The following DNAH10 variants were observed in gnomAD, a reference collection of about 807,000 sequenced individuals.
The protein encoded by DNAH10 is axonemal beta dynein heavy chain 10.
DNAH10 carries 348 observed loss-of-function variants against 506.6 expected under a neutral mutation model. The ratio of observed to expected loss-of-function variants is 0.69; its 90% confidence interval spans 0.63 to 0.75. The LOEUF (loss-of-function observed/expected upper bound fraction) is 0.75. Among genes scored for constraint, DNAH10 ranks in the 30% least tolerant of loss-of-function variants. The pLI is 0.00. For synonymous variants in DNAH10, 2,059 were observed against 2,198.6 expected (o/e 0.94, Z 1.78); for missense variants, 5,179 against 5,787.1 (o/e 0.89, Z 3.41).
chr12:123,900,425 G>A (rs948546807), intron 56 of DNAH10, among the ~76,000 whole-genome samples: 3 of 152,176 alleles, frequency 2.0e-5, no homozygotes, highest in African/African-American at 7.2e-5. Context: ...CTCAACCCCT[G>A]CCTCGAAGAA....
rs747887360 is a variant in DNAH10, at chr12:123,898,833, A to G, written c.9640+19A>G. ...GCTGTAGGTGAGTGAGGGCGGGGCC[A>G]GGGCAGCCCATCCCCAACACCCAAT... On this transcript the variant is annotated intron_variant, in intron 56 of 78. Coordinates refer to ENST00000673944, the MANE Select transcript of DNAH10 (RefSeq NM_001372106.1). 2.1e-5 allele frequency: 34 copies of G among 1,586,438 alleles called. No homozygotes were observed. The highest frequency in any genetic ancestry group is 2.0e-4 in the East Asian group (9 of 44,392).
chr12:123,934,799 G>A (rs1955410334), intron 78 of DNAH10, 33 bp downstream of exon 78: 1 of 1,611,588 alleles, frequency 6.2e-7, no homozygotes, highest in South Asian at 1.1e-5. Context: ...TCTGACACCA[G>A]GGCCCTTCCT....
At position 123,879,315 on chromosome 12, in the gene DNAH10, A is replaced by G; in HGVS notation, c.8424A>G (p.Arg2808=). Residue 2808 remains arginine, a synonymous_variant, in exon 49 of 79, where the codon AGA becomes AGG. Coordinates refer to ENST00000673944, the MANE Select transcript of DNAH10 (RefSeq NM_001372106.1). ...MVRVWRNECL[R]VFHDRLISET... Reference sequence around the variant, plus strand: ...GAGTCTGGAGGAATGAGTGTCTGAGAGTCTTCCACGACCGGCTGATCAGTG... The same window carrying G: ...GAGTCTGGAGGAATGAGTGTCTGAGGGTCTTCCACGACCGGCTGATCAGTG... 1 of 1,579,650 alleles carries G rather than the reference A, an allele frequency of 6.3e-7. No homozygotes were observed. The highest frequency in any genetic ancestry group is 8.6e-7 in the Non-Finnish European group (1 of 1,162,244).
In DNAH10 at chr12:123,909,049, G is replaced by T. The variant is rs1378437311; in HGVS notation, c.9816-212G>T. Among the ~76,000 whole-genome samples, 1 of 152,208 alleles carries T rather than the reference G, an allele frequency of 6.6e-6. No homozygotes were observed. Among genetic ancestry groups the T allele is most frequent in the African/African-American group, 2.4e-5 (1 of 41,454 alleles). ...GCCCCCGCACCATTCCAGGCGCCTG[G>T]TCTGGAACCTGAGAGGGGGACCCGG... On this transcript the variant is annotated intron_variant, in intron 57 of 78. Coordinates refer to ENST00000673944, the MANE Select transcript of DNAH10 (RefSeq NM_001372106.1). The surrounding 1 kb of genome is among the most constrained non-coding windows in gnomAD (Gnocchi z 5.4).
At chr12:123,871,156 G>A (rs900782210) in intron 44 of DNAH10, among the ~76,000 whole-genome samples, 1 of 152,206 alleles carries the variant, frequency 6.6e-6, no homozygotes, top group Non-Finnish European at 1.5e-5. Context: ...TCCCGCAGGG[G>A]TCTGAGTGAT....
intron 48 of DNAH10, 33 bp from the exon 49 acceptor site, chr12:123,879,231 T>C (rs1196817030): frequency 1.3e-6 from 2 of 1,548,316 alleles, no homozygotes; most frequent in Admixed American, 3.9e-5. Flanking sequence ...TCAGGTGACT[T>C]CCTGGCTGAT....
Position 123,881,804 on chromosome 12 carries a change from C to A in DNAH10, c.8814C>A (p.Ala2938=), listed in dbSNP as rs1566040755. 4 of 1,512,372 alleles carry A rather than the reference C, an allele frequency of 2.6e-6. No homozygotes were observed. The highest frequency in any genetic ancestry group is 2.7e-6 in the Non-Finnish European group (3 of 1,130,574). 93.7% of individuals were successfully genotyped at this position (1,512,372 alleles called of 1,614,324 possible). ...QSLSRLAAFT[A]SCEVFEILLS... ...TTTCGAGGCTGGCTGCCTTCACAGC[C>A]AGCTGTGAGGTCAGTCCACGTACCC... Residue 2938 remains alanine, a synonymous_variant, in exon 51 of 79, where the codon GCC becomes GCA. Transcript: ENST00000673944.
intron 76 of DNAH10, chr12:123,932,480 ATT>A (rs11372935): frequency 3.9e-3 from 601 of 153,058 alleles, no homozygotes; most frequent in South Asian, 6.5e-3. Flanking sequence ...GGTGGTTACC[ATT>A]TTTTTTTTTT....
chr12:123,863,004 A>G (rs977171448), intron 39 of DNAH10, among the ~76,000 whole-genome samples: 2 of 152,218 alleles, frequency 1.3e-5, no homozygotes, highest in African/African-American at 4.8e-5. Context: ...GGAGTTCTTC[A>G]TACTGTTTTA....
At chr12:123,793,492 C>T (rs1958162166) in intron 11 of DNAH10, among the ~76,000 whole-genome samples, 1 of 152,094 alleles carries the variant, frequency 6.6e-6, no homozygotes, top group Admixed American at 6.6e-5. Context: ...GCGCCCACCA[C>T]CATGCCCGGC....
intron 61 of DNAH10, 80 bp downstream of exon 61, chr12:123,914,630 G>A: frequency 1.3e-6 from 2 of 1,481,492 alleles, no homozygotes; most frequent in East Asian, 2.4e-5. Flanking sequence ...CTGGGGGGAG[G>A]CAATGGCCTG....
rs1955068870 is a variant in DNAH10 at position 123,928,869 on chromosome 12, CA to C, written c.12306+283del. On this transcript the variant is annotated intron_variant, in intron 70 of 78. Coordinates refer to ENST00000673944, the MANE Select transcript of DNAH10 (RefSeq NM_001372106.1). This position sits in a 1 kb window ranked among gnomAD's most constrained non-coding sequence, Gnocchi z 4.9. The stretch of plus-strand genomic sequence containing the variant: ...ATAAACTTCACGGCCCCCCCCCCCA[CA>C]CACAGCCTGCAGTTCGCTAGTGCTG... The C allele has an allele frequency of 3.3e-5, 8 of 239,044 alleles. No homozygotes were observed. The highest frequency in any genetic ancestry group is 6.0e-5 in the Non-Finnish European group (8 of 133,312). 14.8% of individuals were successfully genotyped at this position (239,044 alleles called of 1,614,324 possible).
intron 36 of DNAH10, among the ~76,000 whole-genome samples, chr12:123,856,107 T>A (rs1043396794): frequency 2.7e-5 from 4 of 147,506 alleles, no homozygotes; most frequent in African/African-American, 9.8e-5. Context: ...CTATATAATA[T>A]ACATAACATT....
chr12:123,769,116 A>G (rs1415227206), intron 2 of DNAH10, among the ~76,000 whole-genome samples: 1 of 152,170 alleles, frequency 6.6e-6, no homozygotes, highest in Non-Finnish European at 1.5e-5. Flanking sequence ...TTAGAAATAA[A>G]AGATGGTTTG....
chr12:123,867,629 A>C, intron 42 of DNAH10, 28 bp downstream of exon 42: 1 of 1,611,138 alleles, frequency 6.2e-7, no homozygotes, highest in Non-Finnish European at 8.5e-7. Context: ...CTGTTAGCAA[A>C]AAGAAATTCT....
chr12:123,914,425 C>T lies in DNAH10; in HGVS notation c.10449C>T (p.Phe3483=), dbSNP rs780604676. The T allele has an allele frequency of 3.7e-6, 6 of 1,613,754 alleles. No individual in the cohort carries two copies. The highest frequency in any genetic ancestry group is 2.2e-5 in the South Asian group (2 of 91,088). The change falls in exon 61 of 79, where the codon TTC becomes TTT. Residue 3483 remains phenylalanine, a synonymous_variant. Coordinates refer to ENST00000673944, the MANE Select transcript of DNAH10 (RefSeq NM_001372106.1). ...CTTTCCTCAGCTACGAGGGAGCCTTCACCTGGGAGTTCCGTGACGAGATGG... is the reference window on the plus strand; with the variant it reads ...CTTTCCTCAGCTACGAGGGAGCCTTTACCTGGGAGTTCCGTGACGAGATGG... ...CAAFLSYEGA[F]TWEFRDEMVN...
intron 17 of DNAH10, among the ~76,000 whole-genome samples, chr12:123,804,143 C>T (rs1958571704): frequency 6.6e-6 from 1 of 152,148 alleles, no homozygotes; most frequent in Non-Finnish European, 1.5e-5. Flanking sequence ...CCTCCCACCT[C>T]ATCTGCGAAA....
intron 46 of DNAH10, among the ~76,000 whole-genome samples, chr12:123,874,582 T>C (rs1053020408): frequency 1.4e-5 from 2 of 146,186 alleles, no homozygotes; most frequent in Non-Finnish European, 3.0e-5. Flanking sequence ...CATCCACCCA[T>C]CCATCCATCC....
At chr12:123,901,695 C>T (rs1241767642) in intron 56 of DNAH10, among the ~76,000 whole-genome samples, 1 of 152,162 alleles carries the variant, frequency 6.6e-6, no homozygotes, top group Non-Finnish European at 1.5e-5. Flanking sequence ...GAGTCTCGCT[C>T]TGTCACCTAG....
Sources: allele counts gnomAD v4.1 joint callset (sites outside exome capture counted in the v4.1 genomes callset), GRCh38; gene constraint gnomAD v4.1.1; non-coding constraint Gnocchi (gnomAD v3.1); transcripts MANE v1.5; gene names NCBI Gene and HGNC (gene_info 2026-07-23, HGNC 2026-07-21).